Variants in NGRN observed in about 807,000 individuals in gnomAD.
NGRN encodes the protein neugrin, neurite outgrowth associated.
In NGRN, 12 loss-of-function variants were observed where a neutral mutation model predicts 13.1. The observed-to-expected ratio is 0.92, with a 90% CI of 0.59 to 1.49. The LOEUF (loss-of-function observed/expected upper bound fraction) is 1.49. Among genes scored for constraint, NGRN ranks in the 40% most tolerant of loss-of-function variants. NGRN has a pLI of 0.00. For missense variants in NGRN, 397 were observed against 357.0 expected, an observed-to-expected ratio of 1.11 and a Z score of -0.90; for synonymous variants, 149 against 145.8, an observed-to-expected ratio of 1.02 and a Z score of -0.16.
At position 90,271,280 on chromosome 15, in the gene NGRN, A is replaced by G; in HGVS notation, c.368A>G (p.Lys123Arg). Residue 123 changes from lysine (K) to arginine (R), a missense_variant, in exon 3 of 3, where the codon AAA becomes AGA. By Grantham distance (26) the Lys-to-Arg change is conservative. Transcript: ENST00000379095. ...ACTGATGTGATCCGAAGAGTTTTAA[A>G]AAGCAAGTTTTTACCCACATTGGAG... ...VSTDVIRRVLKSKFLPTLEQK... is the reference protein window; with the variant it reads ...VSTDVIRRVLRSKFLPTLEQK... 1 of 1,614,102 alleles carries G rather than the reference A, an allele frequency of 6.2e-7. No individual in the cohort carries two copies.
Position 90,271,530 on chromosome 15 carries a change from A to G in NGRN, c.618A>G (p.Arg206=). 2 of 1,614,028 alleles carry G rather than the reference A, an allele frequency of 1.2e-6. No individual in the cohort carries two copies. The highest frequency in any genetic ancestry group is 1.7e-6 in the Non-Finnish European group (2 of 1,180,012). ...SDTHRTNTPR[R]RKGRNKEIQD... ...CTCACAGGACAAATACACCAAGGAG[A>G]AGGAAGGGAAGAAATAAAGAAATCC... The change falls in exon 3 of 3, where the codon AGA becomes AGG. Residue 206 remains arginine, a synonymous_variant. Coordinates refer to ENST00000379095, the MANE Select transcript of NGRN (RefSeq NM_001033088.3).
At chr15:90,268,967 AT>A (rs1453392511) in intron 2 of NGRN, among the ~76,000 whole-genome samples, 1 of 30,390 alleles carries the variant, frequency 3.3e-5, no homozygotes, top group African/African-American at 1.1e-4. Context: ...CCCATTATTT[AT>A]TTATTGATTG....
At chr15:90,268,165 G>C (rs953781639) in intron 2 of NGRN, among the ~76,000 whole-genome samples, 12 of 151,866 alleles carry the variant, frequency 7.9e-5, no homozygotes, top group African/African-American at 2.7e-4. Context: ...ACCACACCTG[G>C]CTAATTTTTG....
chr15:90,266,340 A>T lies in NGRN; in HGVS notation c.217A>T (p.Met73Leu), dbSNP rs531654356. The change falls in exon 2 of 3, where the codon ATG becomes TTG. Residue 73 changes from methionine (M) to leucine (L), a missense_variant. By Grantham distance (15) the Met-to-Leu change is conservative. Transcript: ENST00000379095. The part of the protein sequence containing the change: ...AIRFQKIRRQ[M>L]EAPGAPPRTL... Reference sequence around the variant, plus strand: ...CCGATTCCAGAAAATTCGGAGGCAAATGGAGGCGCCTGGTGCCCCGCCCAG... The same window carrying T: ...CCGATTCCAGAAAATTCGGAGGCAATTGGAGGCGCCTGGTGCCCCGCCCAG... 2 of 1,613,850 alleles carry T rather than the reference A, an allele frequency of 1.2e-6. No homozygotes were observed. The highest frequency in any genetic ancestry group is 1.7e-5 in the Admixed American group (1 of 59,980).
Position 90,271,227 on chromosome 15 carries a change from C to T in NGRN, c.315C>T (p.Pro105=). 2 of 1,614,136 alleles carry T rather than the reference C, an allele frequency of 1.2e-6. No homozygotes were observed. The highest frequency in any genetic ancestry group is 8.5e-7 in the Non-Finnish European group (1 of 1,180,032). Residue 105 remains proline, a synonymous_variant, in exon 3 of 3, where the codon CCC becomes CCT. Coordinates refer to ENST00000379095, the MANE Select transcript of NGRN (RefSeq NM_001033088.3). ...AATTTCCAGAGTCCTGGTCAGTTCC[C>T]AGGTTGGCTGAAGGCTTTGATGTCA... The part of the protein sequence containing the change: ...HEEFPESWSV[P]RLAEGFDVST...
rs1207465147 is a variant in NGRN at position 90,266,342 on chromosome 15, G to A, written c.219G>A (p.Met73Ile). ...GATTCCAGAAAATTCGGAGGCAAAT[G>A]GAGGCGCCTGGTGCCCCGCCCAGGA... Reference protein sequence around the residue: ...AIRFQKIRRQMEAPGAPPRTL... With the variant: ...AIRFQKIRRQIEAPGAPPRTL... The change falls in exon 2 of 3, where the codon ATG (methionine) becomes ATA (isoleucine). Residue 73 changes from methionine to isoleucine, a missense_variant. By Grantham distance (10) the Met-to-Ile change is conservative. Transcript: ENST00000379095. 1 of 1,613,954 alleles carries A rather than the reference G, an allele frequency of 6.2e-7. No individual in the cohort carries two copies. The highest frequency in any genetic ancestry group is 1.1e-5 in the South Asian group (1 of 91,020).
chr15:90,271,074 G>A, intron 2 of NGRN, 114 bp from the exon 3 acceptor site: 1 of 1,231,306 alleles, frequency 8.1e-7, no homozygotes, highest in Non-Finnish European at 1.1e-6. Flanking sequence ...GGGATTACAG[G>A]TGTGAGCCAC....
intron 2 of NGRN, among the ~76,000 whole-genome samples, chr15:90,269,718 C>T (rs943893056): frequency 6.6e-6 from 1 of 152,066 alleles, no homozygotes; most frequent in Admixed American, 6.6e-5. Context: ...AACTGTGTAC[C>T]AGACATCTCT....
Position 90,265,675 on chromosome 15 carries a change from GT to G in NGRN, c.-35del. ...GTCTTACCCGGCTACTTCCGCTGCT[GT>G]TTCGTAGCCGACTGCTGAAGGCTGG... is the stretch of plus-strand genomic sequence containing the variant. On this transcript the variant is annotated 5_prime_UTR_variant, in exon 1 of 3. Coordinates refer to ENST00000379095, the MANE Select transcript of NGRN (RefSeq NM_001033088.3). 6.2e-7 allele frequency: 1 copy of G among 1,610,686 alleles called. No individual in the cohort carries two copies. Among genetic ancestry groups the G allele is most frequent in the Non-Finnish European group, 8.5e-7 (1 of 1,178,254 alleles).
chr15:90,266,099 C>T (rs1963413856), intron 1 of NGRN, 189 bp from the exon 2 acceptor site: 2 of 1,436,008 alleles, frequency 1.4e-6, no homozygotes, highest in Middle Eastern at 2.6e-4. Context: ...GTTCGGCATG[C>T]TTACAGGCAG....
At position 90,265,876 on chromosome 15, in the gene NGRN, G is replaced by A. The variant is rs1567081912; in HGVS notation, c.164G>A (p.Ser55Asn). ...GAACGGGAGCTGCAGGAGGTGGAGAGGTACCGGCTTCTCCCCGGGCCCTCA... is the reference window on the plus strand; with the variant it reads ...GAACGGGAGCTGCAGGAGGTGGAGAAGTACCGGCTTCTCCCCGGGCCCTCA... ...PEERELQEVE[S>N]TLKRQKQAIR... Residue 55 changes from serine (S) to asparagine (N), a missense_variant and splice_region_variant, in exon 1 of 3, where the codon AGC (serine) becomes AAC (asparagine). Transcript: ENST00000379095. The A allele has an allele frequency of 1.9e-6, 3 of 1,573,358 alleles. No individual in the cohort carries two copies. The highest frequency in any genetic ancestry group is 2.6e-6 in the Non-Finnish European group (3 of 1,160,858).
chr15:90,270,910 A>G (rs1369666423), intron 2 of NGRN, among the ~76,000 whole-genome samples: 4 of 152,102 alleles, frequency 2.6e-5, no homozygotes, highest in African/African-American at 9.7e-5. Context: ...ATCTCGGCTC[A>G]CCGCAGCCTT....
rs34266380 is a variant in NGRN, at chr15:90,269,162, ATTTTTTTT to A, written c.276-2008_276-2001del. ...AGGTGCACACCACTATACCTGGCTAATTTTTTTTTTTTTTTTTTTTTTTTTGGATTTTT... is the reference window on the plus strand; with the variant it reads ...AGGTGCACACCACTATACCTGGCTAATTTTTTTTTTTTTTTTTGGATTTTT... On this transcript the variant is annotated intron_variant, in intron 2 of 2. Coordinates refer to ENST00000379095, the MANE Select transcript of NGRN (RefSeq NM_001033088.3). 5.8e-3 allele frequency among the ~76,000 whole-genome samples: 520 copies of A among 89,660 alleles called. 3 individuals carry two copies. The highest frequency in any genetic ancestry group is 0.026 in the African/African-American group (471 of 18,130). The allele number at this position is 89,660 out of a possible 152,430, so 58.8% of individuals were successfully genotyped here.
At position 90,271,062 on chromosome 15, in the gene NGRN, C is replaced by T. The variant is rs188745658; in HGVS notation, c.276-126C>T. 6.0e-3 allele frequency: 6,673 copies of T among 1,115,630 alleles called. 26 individuals are homozygous for T. The highest frequency in any genetic ancestry group is 7.2e-3 in the Non-Finnish European group (5,569 of 775,512). The allele number at this position is 1,115,630 out of a possible 1,614,324, so 69.1% of individuals were successfully genotyped here. On this transcript the variant is annotated intron_variant, in intron 2 of 2. Coordinates refer to ENST00000379095, the MANE Select transcript of NGRN (RefSeq NM_001033088.3). ...CCGCCTATCTCGGCCTCTCAGAGTT[C>T]TGGGATTACAGGTGTGAGCCACCAT... is the stretch of plus-strand genomic sequence containing the variant.
In NGRN at chr15:90,271,385, A is replaced by G. The variant is rs768594996; in HGVS notation, c.473A>G (p.Asn158Ser). The change falls in exon 3 of 3, where the codon AAT (asparagine) becomes AGT (serine). Residue 158 changes from asparagine (N) to serine (S), a missense_variant. Physicochemically the swap from Asn to Ser is conservative, Grantham distance 46. Transcript: ENST00000379095. Reference sequence around the variant, plus strand: ...CTGCAGCACCTCCGGGGCTCTGGAAATACCTCAAAGCTGCTCCCTGCAGGC... The same window carrying G: ...CTGCAGCACCTCCGGGGCTCTGGAAGTACCTCAAAGCTGCTCCCTGCAGGC... ...HSLQHLRGSG[N>S]TSKLLPAGHS... is the part of the protein sequence containing the mutation. 1.2e-5 allele frequency: 19 copies of G among 1,614,058 alleles called. No homozygotes were observed. The East Asian group carries it at 2.5e-4, about 21-fold the overall frequency.
rs1963515923 is a variant in NGRN, at chr15:90,272,161, A to G, written c.*373A>G. 4.6e-6 allele frequency: 1 copy of G among 218,366 alleles called. No individual in the cohort carries two copies. The highest frequency in any genetic ancestry group is 9.2e-6 in the Non-Finnish European group (1 of 108,324). The allele number at this position is 218,366 out of a possible 1,614,324, so 13.5% of individuals were successfully genotyped here. On this transcript the variant is annotated 3_prime_UTR_variant, in exon 3 of 3. Coordinates refer to ENST00000379095, the MANE Select transcript of NGRN (RefSeq NM_001033088.3). ...AGTGAACACTAACATTTTGGGGACA[A>G]CTTAGTCAATTGGTTTTCCTTACAA...
rs148169177 is a variant in NGRN at position 90,271,560 on chromosome 15, C to A, written c.648C>A (p.Asp216Glu). ...RRKGRNKEIQ[D>E]LEESFVPVAA... ...AGGGAAGAAATAAAGAAATCCAGGA[C>A]CTGGAGGAGAGCTTTGTGCCTGTTG... The change falls in exon 3 of 3, where the codon GAC becomes GAA. Residue 216 changes from aspartate (D) to glutamate (E), a missense_variant. Coordinates refer to ENST00000379095, the MANE Select transcript of NGRN (RefSeq NM_001033088.3). 2 of 1,613,952 alleles carry A rather than the reference C, an allele frequency of 1.2e-6. No homozygotes were observed. Among genetic ancestry groups the A allele is most frequent in the African/African-American group, 2.7e-5 (2 of 74,896 alleles).
At chr15:90,266,005 GTTAGGGGC>G in intron 1 of NGRN, 129 bp downstream of exon 1, 1 of 1,415,916 alleles carries the variant, frequency 7.1e-7, no homozygotes, top group Admixed American at 3.2e-5. Flanking sequence ...CTTACCCGTT[GTTAGGGGC>G]GCAGCGTCAG....
chr15:90,267,772 G>A (rs1450582208), intron 2 of NGRN, among the ~76,000 whole-genome samples: 2 of 152,174 alleles, frequency 1.3e-5, no homozygotes, highest in African/African-American at 4.8e-5. Context: ...AGGAATATTT[G>A]TTATATACAT....
Sources: gnomAD v4.1 joint callset for allele counts (sites outside exome capture counted in the v4.1 genomes callset) on GRCh38, gnomAD v4.1.1 for gene constraint, MANE v1.5 for transcripts, NCBI Gene and HGNC (gene_info 2026-07-23, HGNC 2026-07-21) for gene names.